CALN1: variants seen among roughly 807,000 people sequenced by gnomAD.
CALN1 encodes the protein calcium-binding protein 8.
CALN1 carries 17 observed loss-of-function variants against 30.6 expected under a neutral mutation model. The ratio of observed to expected loss-of-function variants is 0.56; its 90% CI spans 0.38 to 0.83. The LOEUF (loss-of-function observed/expected upper bound fraction) is 0.83, where lower values mean the gene tolerates loss of function less well. Among genes scored for constraint, CALN1 ranks in the 40% least tolerant of loss-of-function variants. CALN1 has a pLI of 0.00. For synonymous variants in CALN1, 156 were observed against 131.4 expected (o/e 1.19, Z -1.28); for missense variants, 291 against 354.9 (o/e 0.82, Z 1.45).
chr7:72,183,408 TGA>T (rs895459408), intron 3 of CALN1, among the ~76,000 whole-genome samples: 3 of 152,190 alleles, frequency 2.0e-5, no homozygotes, highest in African/African-American at 7.2e-5. Flanking sequence ...TGAAAAATTA[TGA>T]GAGTCTAGAA....
chr7:71,977,894 T>C (rs1236891105), intron 5 of CALN1, among the ~76,000 whole-genome samples: 1 of 145,652 alleles, frequency 6.9e-6, no homozygotes, highest in Non-Finnish European at 1.5e-5. Flanking sequence ...ATTGTGCCAC[T>C]GCACTCCAGC....
intron 3 of CALN1, among the ~76,000 whole-genome samples, chr7:72,256,416 T>C (rs1027310727): frequency 2.0e-5 from 3 of 151,958 alleles, no homozygotes; most frequent in Non-Finnish European, 4.4e-5. Flanking sequence ...ACTATGATCA[T>C]GCCACTGCAC....
At chr7:72,308,856 A>T (rs552703064) in intron 2 of CALN1, among the ~76,000 whole-genome samples, 1 of 152,352 alleles carries the variant, frequency 6.6e-6, no homozygotes, top group African/African-American at 2.4e-5. Context: ...CCTGGGGATC[A>T]TTCCCATCTG....
At chr7:72,165,150 C>G (rs1480753038) in intron 3 of CALN1, among the ~76,000 whole-genome samples, 2 of 152,264 alleles carry the variant, frequency 1.3e-5, no homozygotes, top group East Asian at 3.9e-4. Context: ...ATTAAAGACC[C>G]TGGTAGCAAA....
At chr7:71,790,031 G>A (rs1241130859) in intron 6 of CALN1, among the ~76,000 whole-genome samples, 1 of 151,838 alleles carries the variant, frequency 6.6e-6, no homozygotes, top group African/African-American at 2.4e-5. Context: ...TTGAGCCCAA[G>A]AGCTCAGGGC....
intron 2 of CALN1, among the ~76,000 whole-genome samples, chr7:72,335,142 C>A (rs1801927672): frequency 6.6e-6 from 1 of 152,150 alleles, no homozygotes; most frequent in Non-Finnish European, 1.5e-5. Flanking sequence ...ACTCCACATT[C>A]TTCTTCCAAC....
At chr7:71,970,684 G>C (rs532724419) in intron 5 of CALN1, among the ~76,000 whole-genome samples, 3 of 150,792 alleles carry the variant, frequency 2.0e-5, no homozygotes, top group African/African-American at 7.3e-5. Context: ...TTCCCACTTC[G>C]TCCCCGCGCT....
At chr7:71,930,436 A>G (rs936994030) in intron 5 of CALN1, among the ~76,000 whole-genome samples, 2 of 152,180 alleles carry the variant, frequency 1.3e-5, no homozygotes, top group Non-Finnish European at 2.9e-5. Flanking sequence ...CTATCATTGA[A>G]AGAGTTCTTT....
intron 2 of CALN1, among the ~76,000 whole-genome samples, chr7:72,327,472 G>C (rs1801359778): frequency 2.6e-5 from 4 of 152,208 alleles, no homozygotes; most frequent in Admixed American, 1.3e-4. Context: ...CTGGGCAACA[G>C]AGCAAGACTC....
At chr7:72,070,578 C>CT (rs1804322008) in intron 4 of CALN1, among the ~76,000 whole-genome samples, 1 of 152,170 alleles carries the variant, frequency 6.6e-6, no homozygotes, top group African/African-American at 2.4e-5. Context: ...CTTCGTTCTT[C>CT]TTCAAGGGAT....
chr7:72,327,035 T>A (rs528157211), intron 2 of CALN1, among the ~76,000 whole-genome samples: 2 of 152,232 alleles, frequency 1.3e-5, no homozygotes. Context: ...CTGAATCACA[T>A]GAGACTCCAA....
chr7:72,314,356 TATAC>T (rs1461198117), intron 2 of CALN1, among the ~76,000 whole-genome samples: 1 of 55,090 alleles, frequency 1.8e-5, no homozygotes, highest in Non-Finnish European at 2.9e-5. Context: ...TATACATATA[TATAC>T]ATATACATAT....
chr7:72,438,483 C>T (rs187400252), intron 1 of CALN1, among the ~76,000 whole-genome samples: 29 of 152,292 alleles, frequency 1.9e-4, no homozygotes, highest in East Asian at 9.6e-4. Flanking sequence ...CTCATTCTAT[C>T]GAGAAATAAA....
the CALN1 span, among the ~76,000 whole-genome samples, chr7:72,495,954 T>C: frequency 6.6e-6 from 1 of 152,236 alleles, no homozygotes; most frequent in African/African-American, 2.4e-5. Context: ...GTTTTGATGC[T>C]CTGTTGCCCA....
chr7:72,410,093 G>T (rs954735157), intron 1 of CALN1, among the ~76,000 whole-genome samples: 2 of 152,090 alleles, frequency 1.3e-5, no homozygotes, highest in African/African-American at 4.8e-5. Flanking sequence ...CATGCCATAT[G>T]GTGTGTAATG....
intron 2 of CALN1, among the ~76,000 whole-genome samples, chr7:72,306,641 AAAAAG>A (rs1417162813): frequency 6.6e-6 from 1 of 152,028 alleles, no homozygotes; most frequent in Non-Finnish European, 1.5e-5. Context: ...AAGAAGAAAA[AAAAAG>A]AAAAGAAAAA....
the CALN1 span, among the ~76,000 whole-genome samples, chr7:72,457,645 T>A: frequency 6.6e-6 from 1 of 152,084 alleles, no homozygotes; most frequent in South Asian, 2.1e-4. Flanking sequence ...GGTACCTATT[T>A]CCCTGAAACA....
At chr7:71,889,306 G>A (rs1253557625) in intron 5 of CALN1, among the ~76,000 whole-genome samples, 2 of 152,036 alleles carry the variant, frequency 1.3e-5, no homozygotes, top group African/African-American at 4.8e-5. Flanking sequence ...GCTCCCTTGG[G>A]GCTCTTTTAT....
chr7:72,000,202 G>T (rs575253849), intron 5 of CALN1, among the ~76,000 whole-genome samples: 21 of 151,784 alleles, frequency 1.4e-4, no homozygotes, highest in Non-Finnish European at 2.1e-4. Flanking sequence ...AATGAAATTG[G>T]ATATAGAAAA....
Sources: gnomAD v4.1 joint callset for allele counts (sites outside exome capture counted in the v4.1 genomes callset) on GRCh38, gnomAD v4.1.1 for gene constraint, MANE v1.5 for transcripts, NCBI Gene and HGNC (gene_info 2026-07-23, HGNC 2026-07-21) for gene names.